Variants in STX18 observed in about 807,000 individuals in gnomAD.
The protein encoded by STX18 is syntaxin-18.
Under a neutral mutation model 50.1 loss-of-function variants are expected in STX18, and 40 were observed. That is an observed-to-expected ratio of 0.80 (90% CI 0.62 to 1.04). The LOEUF (loss-of-function observed/expected upper bound fraction) is 1.04. Ranked by LOEUF, STX18 falls within the 50% of genes least tolerant of loss-of-function variation. The pLI, the probability that STX18 is intolerant of heterozygous loss-of-function variation, is 0.00. For missense variants in STX18, 410 were observed against 415.8 expected (o/e 0.99, Z 0.12); for synonymous variants, 158 against 151.8 (o/e 1.04, Z -0.30).
intron 2 of STX18, among the ~76,000 whole-genome samples, chr4:4,465,662 G>A (rs1432712980): frequency 6.6e-6 from 1 of 152,176 alleles, no homozygotes; most frequent in African/African-American, 2.4e-5. Context: ...AATGGATGCT[G>A]GGTTTAATAC....
intron 1 of STX18, chr4:4,481,724 C>A (rs999357956): frequency 2.0e-5 from 3 of 152,202 alleles, no homozygotes; most frequent in Non-Finnish European, 2.9e-5. Flanking sequence ...TAACACACCT[C>A]TGGAGCATGT....
chr4:4,542,112 C>A, upstream of STX18: 4 of 1,055,340 alleles, frequency 3.8e-6, no homozygotes, highest in Non-Finnish European at 5.1e-6. Flanking sequence ...CGGCCTGCGC[C>A]CTGCTACCGC....
chr4:4,426,358 C>G (rs948810733), intron 7 of STX18: 1 of 152,188 alleles, frequency 6.6e-6, no homozygotes, highest in African/African-American at 2.4e-5. Context: ...ATTCTGTAAG[C>G]AGGAGTGGGA....
intron 8 of STX18, among the ~76,000 whole-genome samples, chr4:4,424,452 G>C (rs1047698872): frequency 1.8e-4 from 27 of 152,172 alleles, no homozygotes; most frequent in Admixed American, 8.5e-4. Flanking sequence ...GGGTGGGGGC[G>C]GTAGTGGGGC....
chr4:4,465,987 T>A (rs930906408), intron 2 of STX18, among the ~76,000 whole-genome samples: 1 of 152,144 alleles, frequency 6.6e-6, no homozygotes, highest in Non-Finnish European at 1.5e-5. Flanking sequence ...ATGAATCAAA[T>A]TGATCAAATC....
At chr4:4,494,591 C>G (rs1018699016) in intron 1 of STX18, among the ~76,000 whole-genome samples, 17 of 152,138 alleles carry the variant, frequency 1.1e-4, no homozygotes, top group Non-Finnish European at 1.8e-4. Context: ...GTTAGAGTTG[C>G]TATTTAATCC....
chr4:4,447,232 A>AT (rs1230374037), intron 5 of STX18, among the ~76,000 whole-genome samples: 8 of 151,596 alleles, frequency 5.3e-5, no homozygotes, highest in East Asian at 1.9e-4. Context: ...GAATTTTCAG[A>AT]TTTTTTTTTC....
rs553129369 is a variant in STX18 at position 4,443,961 on chromosome 4, C to T, written c.498-5452G>A. Among the ~76,000 whole-genome samples the T allele has an allele frequency of 3.9e-5, 6 of 152,290 alleles. No homozygotes were observed. The South Asian group carries it at 1.2e-3, about 32-fold the overall frequency. On this transcript the variant is annotated intron_variant, in intron 5 of 10. Transcript: ENST00000306200. Reference sequence around the variant, plus strand: ...GAAAAAACTGGCCCTTGCTTGGCTCCTGGGAGATAACCTCTAAGCTCCTAG... The same window carrying T: ...GAAAAAACTGGCCCTTGCTTGGCTCTTGGGAGATAACCTCTAAGCTCCTAG...
intron 5 of STX18, among the ~76,000 whole-genome samples, chr4:4,453,450 C>CT (rs1449946191): frequency 6.6e-6 from 1 of 152,164 alleles, no homozygotes; most frequent in Admixed American, 6.5e-5. Flanking sequence ...AACATTAGCA[C>CT]TTTCAGCAAT....
intron 1 of STX18, among the ~76,000 whole-genome samples, chr4:4,506,424 G>C (rs1266794707): frequency 6.6e-6 from 1 of 152,184 alleles, no homozygotes; most frequent in Non-Finnish European, 1.5e-5. Flanking sequence ...ACTAAAAGAA[G>C]TCAGTTTCAA....
chr4:4,420,269 T>G lies in STX18; in HGVS notation c.913-140A>C, dbSNP rs1724861653. The stretch of plus-strand genomic sequence containing the variant: ...TCGTTCCATCTGTGCTTACCTTGAA[T>G]AGATGGCTTTTGAGATCCACCAGAA... On this transcript the variant is annotated intron_variant, in intron 10 of 10. Transcript: ENST00000306200. The surrounding 1 kb of genome is among the most constrained non-coding windows in gnomAD (Gnocchi z 4.3). 4.7e-6 allele frequency: 3 copies of G among 644,880 alleles called. No individual in the cohort carries two copies. The highest frequency in any genetic ancestry group is 5.0e-4 in the Middle Eastern group (2 of 3,978). 39.9% of individuals were successfully genotyped at this position (644,880 alleles called of 1,614,324 possible).
intron 1 of STX18, among the ~76,000 whole-genome samples, chr4:4,504,231 G>A (rs73088224): frequency 9.9e-5 from 15 of 152,142 alleles, no homozygotes; most frequent in African/African-American, 3.4e-4. Flanking sequence ...TTCTAATCTA[G>A]AGTAGAGATT....
chr4:4,464,549 C>T (rs903662638), intron 2 of STX18, among the ~76,000 whole-genome samples: 4 of 152,300 alleles, frequency 2.6e-5, no homozygotes, highest in Non-Finnish European at 5.9e-5. Flanking sequence ...CTAGGTAACT[C>T]GTACTCCTTC....
At chr4:4,522,744 G>C (rs531110150) in intron 1 of STX18, among the ~76,000 whole-genome samples, 1 of 152,176 alleles carries the variant, frequency 6.6e-6, no homozygotes, top group African/African-American at 2.4e-5. Context: ...CAAAGTCAGA[G>C]GTAAAATTAA....
At chr4:4,472,043 A>C (rs1205030067) in intron 1 of STX18, among the ~76,000 whole-genome samples, 12 of 152,226 alleles carry the variant, frequency 7.9e-5, no homozygotes, top group Non-Finnish European at 8.8e-5. Context: ...TTATAGCTAA[A>C]ATTGCACAGC....
chr4:4,487,249 C>A (rs1238994499), intron 1 of STX18, among the ~76,000 whole-genome samples: 1 of 152,192 alleles, frequency 6.6e-6, no homozygotes, highest in African/African-American at 2.4e-5. Flanking sequence ...TCTGCATGGT[C>A]ACACTAAGCA....
chr4:4,521,057 C>G (rs1057062372), intron 1 of STX18, among the ~76,000 whole-genome samples: 1 of 152,190 alleles, frequency 6.6e-6, no homozygotes, highest in African/African-American at 2.4e-5. Flanking sequence ...CCAAAGACTA[C>G]TCACCCATCT....
At chr4:4,530,617 C>T (rs1339645774) in intron 1 of STX18, among the ~76,000 whole-genome samples, 1 of 152,084 alleles carries the variant, frequency 6.6e-6, no homozygotes, top group Non-Finnish European at 1.5e-5. Context: ...AGAAACACTG[C>T]TGCTGCAAAC....
At position 4,507,338 on chromosome 4, in the gene STX18, T is replaced by C. The variant is rs549726437; in HGVS notation, c.168+34459A>G. 114 of 745,282 alleles carry C rather than the reference T, an allele frequency of 1.5e-4. No individual in the cohort carries two copies. In the African/African-American group the frequency reaches 1.7e-3, roughly 11 times the overall value. 46.2% of individuals were successfully genotyped at this position (745,282 alleles called of 1,614,324 possible). A position where few individuals can be genotyped will look rare whatever the true frequency, so the allele number is the denominator to read the frequency against. On this transcript the variant is annotated intron_variant, in intron 1 of 10. Transcript: ENST00000306200. ...GCTCAGCTCACAGAGCTGAATATTA[T>C]GGCAGCCAAGGAAATTGAAGTTGGT...
Sources: gnomAD v4.1 joint callset for allele counts (sites outside exome capture counted in the v4.1 genomes callset) on GRCh38, gnomAD v4.1.1 for gene constraint, Gnocchi (gnomAD v3.1) non-coding constraint, MANE v1.5 for transcripts, NCBI Gene and HGNC (gene_info 2026-07-23, HGNC 2026-07-21) for gene names.